OTOF: variants seen among roughly 807,000 people sequenced by gnomAD.
The protein encoded by OTOF is fer-1-like family member 2.
In OTOF, 218 loss-of-function variants were observed where a neutral mutation model predicts 236.8. That is an observed-to-expected ratio of 0.92 (90% confidence interval 0.82 to 1.03). The LOEUF (loss-of-function observed/expected upper bound fraction) is 1.03, where lower values mean the gene tolerates loss of function less well. Ranked by LOEUF, OTOF falls within the 50% of genes least tolerant of loss-of-function variation. The probability of loss-of-function intolerance (pLI) is 0.00; values close to 1 mark genes in which losing one functional copy is unlikely to be tolerated. For missense variants in OTOF, 2,590 were observed against 2,694.4 expected, an observed-to-expected ratio of 0.96 and a Z score of 0.86; for synonymous variants, 1,041 against 1,072.5, an observed-to-expected ratio of 0.97 and a Z score of 0.57.
intron 9 of OTOF, among the ~76,000 whole-genome samples, chr2:26,493,477 A>G (rs1315505993): frequency 6.6e-6 from 1 of 152,200 alleles, no homozygotes; most frequent in Non-Finnish European, 1.5e-5. Context: ...AAGGGATGGC[A>G]GGGCCCAGGC....
chr2:26,488,854 C>T (rs954136512), intron 11 of OTOF, among the ~76,000 whole-genome samples: 3 of 152,216 alleles, frequency 2.0e-5, no homozygotes, highest in South Asian at 2.1e-4. Context: ...CAGGCTGTGA[C>T]GGGTCTCCCT....
chr2:26,489,951 G>A (rs1156515463), intron 9 of OTOF, among the ~76,000 whole-genome samples: 8 of 152,226 alleles, frequency 5.3e-5, no homozygotes, highest in Non-Finnish European at 8.8e-5. Flanking sequence ...CCTAGGTGGG[G>A]CTGGTGCTGG....
intron 26 of OTOF, 91 bp downstream of exon 26, chr2:26,474,422 G>A: frequency 1.4e-6 from 1 of 693,280 alleles, no homozygotes; most frequent in Non-Finnish European, 2.2e-6. Flanking sequence ...CAGACCCCAG[G>A]CCCCAGCCTT....
rs540677855 is a variant in OTOF, at chr2:26,488,781, G to T, written c.1045+430C>A. On this transcript the variant is annotated intron_variant, in intron 11 of 46. Transcript: ENST00000272371. ...GGCAGGGTCCTGTGAGGGGTGGAAA[G>T]GGGTTCTTTTCTGCTCAGCAGGTGC... 3.9e-5 allele frequency among the ~76,000 whole-genome samples: 6 copies of T among 152,324 alleles called. No individual in the cohort carries two copies. In the South Asian group the frequency reaches 1.2e-3, roughly 32 times the overall value.
rs766595357 is a variant in OTOF at position 26,476,904 on chromosome 2, G to T, written c.2663C>A (p.Thr888Lys). The change falls in exon 22 of 47, where the codon ACG (threonine) becomes AAG (lysine). Residue 888 changes from threonine to lysine, a missense_variant. This residue lies in a region of OTOF where 1,379 missense variants were observed against 1,341.6 expected (regional missense o/e 1.03). Coordinates refer to ENST00000272371, the MANE Select transcript of OTOF (RefSeq NM_194248.3). ...ETGKDCAKVK[T>K]LFLKLPGKRG... ...CCCCTCCAGCACCTTAAGGAAGAGC[G>T]TCTTGACCTTGGCGCAGTCCTTGCC... 5.0e-6 allele frequency: 8 copies of T among 1,610,696 alleles called. No homozygotes were observed. The South Asian group carries it at 7.7e-5, about 15-fold the overall frequency.
In OTOF at chr2:26,461,897, C is replaced by A. The variant is rs111033330; in HGVS notation, c.5332G>T (p.Val1778Phe). 1.1e-4 allele frequency: 184 copies of A among 1,614,022 alleles called. No homozygotes were observed. Among genetic ancestry groups the A allele is most frequent in the Non-Finnish European group, 1.6e-5 (19 of 1,180,030 alleles). The change falls in exon 43 of 47, where the codon GTC becomes TTC. Residue 1778 changes from valine to phenylalanine, a missense_variant. Physicochemically the swap from Val to Phe is conservative, Grantham distance 50. This residue lies in a region of OTOF where 1,211 missense variants were observed against 1,352.8 expected (regional missense o/e 0.90). Transcript: ENST00000272371. This position sits in a 1 kb window ranked among gnomAD's most constrained non-coding sequence, Gnocchi z 6.2. ...GQQEDKQDTD[V>F]HYHSLTGEGN... ...TCGCCAGTGAGGGAGTGGTAGTGGA[C>A]GTCTGTGTCCTGCTTGTCCTCCTGC...
At chr2:26,503,642 C>G (rs1326754527) in intron 6 of OTOF, 130 bp downstream of exon 6, 4 of 802,962 alleles carry the variant, frequency 5.0e-6, no homozygotes, top group Non-Finnish European at 8.6e-6. Flanking sequence ...GGCCACGCAT[C>G]ACTGGGTGGG....
chr2:26,487,707 C>T (rs3739077), intron 11 of OTOF, among the ~76,000 whole-genome samples: 64,095 of 152,032 alleles, frequency 0.42, 14,492 homozygotes, highest in East Asian at 0.88. Flanking sequence ...GGCCTCAGGC[C>T]TGCCAGTGGT....
At chr2:26,504,478 G>T (rs1201831209) in intron 5 of OTOF, among the ~76,000 whole-genome samples, 2 of 152,130 alleles carry the variant, frequency 1.3e-5, no homozygotes, top group African/African-American at 4.8e-5. Context: ...GGGGAGATAG[G>T]CCCTTTCCCA....
intron 9 of OTOF, 148 bp downstream of exon 9, chr2:26,494,794 T>G: frequency 1.2e-6 from 1 of 854,792 alleles, no homozygotes; most frequent in Non-Finnish European, 1.9e-6. Flanking sequence ...TGTTTGTCAG[T>G]GTCCTGGGGG....
chr2:26,460,885 C>G lies in OTOF; in HGVS notation c.5679G>C (p.Leu1893=). Residue 1893 remains leucine, a synonymous_variant, in exon 44 of 47, where the codon CTG becomes CTC. Coordinates refer to ENST00000272371, the MANE Select transcript of OTOF (RefSeq NM_194248.3). This position sits in a 1 kb window ranked among gnomAD's most constrained non-coding sequence, Gnocchi z 5.3. ...QKRVKGWWPL[L]ARNENDEFEL... ...CAAACTCATCGTTCTCATTGCGGGC[C>G]AGGAGGGGCCACCAGCCTTTGACGC... The G allele has an allele frequency of 6.2e-7, 1 of 1,614,178 alleles. No homozygotes were observed.
intron 1 of OTOF, among the ~76,000 whole-genome samples, chr2:26,551,152 G>A (rs550723711): frequency 2.6e-5 from 4 of 152,278 alleles, no homozygotes; most frequent in African/African-American, 9.6e-5. Flanking sequence ...ACCACGCCCG[G>A]CTAATTTTTG....
chr2:26,489,859 C>A, intron 9 of OTOF, 119 bp from the exon 10 acceptor site: 1 of 792,460 alleles, frequency 1.3e-6, no homozygotes, highest in Non-Finnish European at 2.2e-6. Flanking sequence ...CCCTGAGCCC[C>A]AAAGTTCAGA....
Position 26,514,607 on chromosome 2 carries a change from G to A in OTOF, c.509+1811C>T, listed in dbSNP as rs1185177314. On this transcript the variant is annotated intron_variant, in intron 5 of 46. Transcript: ENST00000272371. ...TCCCATGGATGTGACCCACAGGTCC[G>A]GAGCATCCATGGGTCCCTTAGGACC... Among the ~76,000 whole-genome samples the A allele has an allele frequency of 5.3e-5, 8 of 152,330 alleles. No homozygotes were observed. The East Asian group carries it at 1.2e-3, about 22-fold the overall frequency.
chr2:26,513,991 A>G (rs1666456084), intron 5 of OTOF, among the ~76,000 whole-genome samples: 2 of 152,160 alleles, frequency 1.3e-5, no homozygotes, highest in Admixed American at 6.5e-5. Context: ...ATGGCCCCAT[A>G]TGGGCAGCCA....
rs1487286257 is a variant in OTOF at position 26,527,894 on chromosome 2, G to A, written c.165C>T (p.Ser55=). The change falls in exon 3 of 47, where the codon AGC becomes AGT. Residue 55 remains serine, a synonymous_variant. Coordinates refer to ENST00000272371, the MANE Select transcript of OTOF (RefSeq NM_194248.3). The part of the protein sequence containing the change: ...DETFRWPVAS[S]IDRNEMLEIQ... Reference sequence around the variant, plus strand: ...TCTCCAGCATCTCATTTCTGTCGATGCTGCTGGCCACCGGCCACCGAAATG... The same window carrying A: ...TCTCCAGCATCTCATTTCTGTCGATACTGCTGGCCACCGGCCACCGAAATG... 6.2e-7 allele frequency: 1 copy of A among 1,613,974 alleles called. No individual in the cohort carries two copies. The highest frequency in any genetic ancestry group is 8.5e-7 in the Non-Finnish European group (1 of 1,179,972).
chr2:26,492,028 A>G (rs1234946663), intron 9 of OTOF, among the ~76,000 whole-genome samples: 2 of 152,236 alleles, frequency 1.3e-5, no homozygotes, highest in Non-Finnish European at 2.9e-5. Context: ...ATTAGTCAGA[A>G]ATAATACATT....
At chr2:26,537,543 G>A (rs1667103012) in intron 2 of OTOF, among the ~76,000 whole-genome samples, 173 bp downstream of exon 2, 2 of 152,194 alleles carry the variant, frequency 1.3e-5, no homozygotes, top group African/African-American at 4.8e-5. Context: ...GGGGGAGGGA[G>A]TTCCTGCACA....
rs775682449 is a variant in OTOF at position 26,464,012 on chromosome 2, A to G, written c.5055T>C (p.His1685=). 1.2e-6 allele frequency: 2 copies of G among 1,613,676 alleles called. No homozygotes were observed. Among genetic ancestry groups the G allele is most frequent in the South Asian group, 1.1e-5 (1 of 91,078 alleles). Reference sequence around the variant, plus strand: ...GGTTGAGCAGCGGCCTCGTCTCCACATGCTCTGGCACCAGGCGGCAGCCTG... The same window carrying G: ...GGTTGAGCAGCGGCCTCGTCTCCACGTGCTCTGGCACCAGGCGGCAGCCTG... ...PRAGCRLVPE[H]VETRPLLNPD... Residue 1685 remains histidine (H), a synonymous_variant, in exon 40 of 47, where the codon CAT becomes CAC. Coordinates refer to ENST00000272371, the MANE Select transcript of OTOF (RefSeq NM_194248.3).
Sources: allele counts gnomAD v4.1 joint callset (sites outside exome capture counted in the v4.1 genomes callset), GRCh38; gene constraint gnomAD v4.1.1; regional missense constraint gnomAD v4.1.1; non-coding constraint Gnocchi (gnomAD v3.1); transcripts MANE v1.5; gene names NCBI Gene and HGNC (gene_info 2026-07-23, HGNC 2026-07-21).